NAV1: variants seen among roughly 807,000 people sequenced by gnomAD.
NAV1 encodes the protein neuron navigator 1.
Under a neutral mutation model 175.2 loss-of-function variants are expected in NAV1, and 18 were observed. The ratio of observed to expected loss-of-function variants is 0.10; its 90% CI spans 0.07 to 0.15. NAV1 has a LOEUF of 0.15. Among genes scored for constraint, NAV1 ranks in the 10% least tolerant of loss-of-function variants. The probability of loss-of-function intolerance (pLI) is 1.00; values close to 1 mark genes in which losing one functional copy is unlikely to be tolerated. For missense variants in NAV1, 1,731 were observed against 2,436.6 expected, an observed-to-expected ratio of 0.71 and a Z score of 6.10; for synonymous variants, 897 against 978.7, an observed-to-expected ratio of 0.92 and a Z score of 1.56.
chr1:201,632,253 T>C (rs1035193646), intron 2 of NAV1, among the ~76,000 whole-genome samples: 2 of 152,362 alleles, frequency 1.3e-5, no homozygotes, highest in African/African-American at 4.8e-5. Context: ...GAATTTCCCA[T>C]GATGACTTGC....
At chr1:201,685,825 C>T (rs112984619) in intron 1 of NAV1, among the ~76,000 whole-genome samples, 5 of 152,142 alleles carry the variant, frequency 3.3e-5, no homozygotes, top group Admixed American at 6.5e-5. Context: ...CTGTGCTCTT[C>T]GTATCCACGC....
At chr1:201,647,510 T>A (rs1478810600), upstream of NAV1, among the ~76,000 whole-genome samples, 1 of 152,140 alleles carries the variant, frequency 6.6e-6, no homozygotes, top group Non-Finnish European at 1.5e-5. Flanking sequence ...GTTCAATGAC[T>A]TTGACAAGGT....
At position 201,624,636 on chromosome 1, in the gene NAV1, G is replaced by A. The variant is rs970851792; in HGVS notation, c.-101+1030G>A. Among the ~76,000 whole-genome samples, 57 of 151,910 alleles carry A rather than the reference G, an allele frequency of 3.8e-4. 1 individual carries two copies. The highest frequency in any genetic ancestry group is 1.8e-4 in the Non-Finnish European group (12 of 67,980). The stretch of plus-strand genomic sequence containing the variant: ...GCTGGGATTACAGGCGTGAGCCACC[G>A]CACCCAGCAAACTATGCTTTTTTTA... On this transcript the variant is annotated intron_variant, in intron 1 of 29. Coordinates refer to the NAV1 transcript ENST00000367302.
intron 2 of NAV1, among the ~76,000 whole-genome samples, chr1:201,639,467 T>G (rs1360004891): frequency 6.6e-6 from 1 of 152,154 alleles, no homozygotes; most frequent in African/African-American, 2.4e-5. Flanking sequence ...CTGCCAGGGC[T>G]CCTCTGCTGA....
At chr1:201,632,691 T>C (rs1341719365) in intron 2 of NAV1, among the ~76,000 whole-genome samples, 1 of 152,240 alleles carries the variant, frequency 6.6e-6, no homozygotes, top group Non-Finnish European at 1.5e-5. Context: ...TTTCTCATCA[T>C]AGTACGTGTT....
At chr1:201,642,700 C>CTT (rs772174971) in intron 2 of NAV1, among the ~76,000 whole-genome samples, 55 of 139,868 alleles carry the variant, frequency 3.9e-4, no homozygotes, top group African/African-American at 7.8e-4. Context: ...TTTCTTCTCT[C>CTT]TCTTTCTTTC....
At chr1:201,649,318 T>G in exon 1 of NAV1, 1 of 1,612,572 alleles carries the variant, frequency 6.2e-7, no homozygotes, top group Non-Finnish European at 8.5e-7. Context: ...TCTGGGCCTG[T>G]CCCCTCTGCC....
chr1:201,811,857 T>G, intron 25 of NAV1, 46 bp from the exon 30 acceptor site: 1 of 1,612,932 alleles, frequency 6.2e-7, no homozygotes, highest in Non-Finnish European at 8.5e-7. Context: ...AGAAAGCAAG[T>G]GTGAAGGCAA....
intron 1 of NAV1, among the ~76,000 whole-genome samples, chr1:201,653,453 G>A (rs1385557383): frequency 6.6e-6 from 1 of 151,922 alleles, no homozygotes; most frequent in African/African-American, 2.4e-5. Context: ...AGGAAGAAAG[G>A]CAGGAAGCTA....
chr1:201,713,554 G>C (rs1212735599), intron 2 of NAV1, among the ~76,000 whole-genome samples: 1 of 152,206 alleles, frequency 6.6e-6, no homozygotes, highest in Non-Finnish European at 1.5e-5. Context: ...CTGGAGCAAA[G>C]TCCTGGCCAC....
At chr1:201,809,891 C>T in intron 22 of NAV1, 55 bp from the exon 27 acceptor site, 1 of 1,520,250 alleles carries the variant, frequency 6.6e-7, no homozygotes, top group Non-Finnish European at 9.0e-7. Context: ...TTTGTTGTGG[C>T]TTTTACACCT....
chr1:201,611,741 C>G (rs1446873771), intron 2 of NAV1, among the ~76,000 whole-genome samples: 1 of 152,268 alleles, frequency 6.6e-6, no homozygotes, highest in East Asian at 1.9e-4. Flanking sequence ...TCCAGGGAAG[C>G]CTGTGAGCAC....
Position 201,670,685 on chromosome 1 carries a change from G to C in NAV1, c.757+21260G>C, listed in dbSNP as rs1670007981. ...TGTGGTAATGCTTTCTTTGATGATG[G>C]TGGTAGAGATGCTGGTGGTGTCTCG... On this transcript the variant is annotated intron_variant, in intron 1 of 29. Coordinates refer to ENST00000367296, the Ensembl canonical transcript of NAV1. Among the ~76,000 whole-genome samples the C allele has an allele frequency of 2.0e-5, 3 of 152,160 alleles. 1 individual carries two copies. In the South Asian group the frequency reaches 6.3e-4, roughly 32 times the overall value.
intron 1 of NAV1, among the ~76,000 whole-genome samples, chr1:201,580,161 C>G (rs541327218): frequency 6.6e-6 from 1 of 152,258 alleles, no homozygotes; most frequent in South Asian, 2.1e-4. Flanking sequence ...CAGCCTGGAC[C>G]CTTAGCAGAT....
chr1:201,735,621 T>C (rs1010503753), intron 3 of NAV1, among the ~76,000 whole-genome samples: 1 of 152,250 alleles, frequency 6.6e-6, no homozygotes, highest in Non-Finnish European at 1.5e-5. Flanking sequence ...ACAAGGCCAC[T>C]CTATTATTAA....
intron 1 of NAV1, among the ~76,000 whole-genome samples, chr1:201,692,486 C>T (rs1670992745): frequency 1.3e-5 from 2 of 152,186 alleles, no homozygotes; most frequent in South Asian, 4.1e-4. Flanking sequence ...CACTGTGACT[C>T]CTTGGTAACA....
At chr1:201,670,583 A>ATGG (rs1281670349) in intron 1 of NAV1, among the ~76,000 whole-genome samples, 11 of 109,404 alleles carry the variant, frequency 1.0e-4, no homozygotes, top group Non-Finnish European at 1.8e-4. Context: ...TGATGGTTTG[A>ATGG]TGATAGAGAT....
At chr1:201,768,594 C>T (rs72742024) in intron 3 of NAV1, among the ~76,000 whole-genome samples, 34,691 of 148,262 alleles carry the variant, frequency 0.23, 5,204 homozygotes, top group Non-Finnish European at 0.34. Flanking sequence ...GCTGAGATCA[C>T]ACCACTGTAC....
Position 201,718,529 on chromosome 1 carries a change from G to T in NAV1, c.1000G>T (p.Gly334Cys), listed in dbSNP as rs967396981. The change falls in exon 3 of 30, where the codon GGT becomes TGT. Residue 334 changes from glycine (G) to cysteine (C), a missense_variant. By Grantham distance (159) the Gly-to-Cys change is radical. This residue lies in a region of NAV1 where 487 missense variants were observed against 581.3 expected (regional missense o/e 0.84). Transcript: ENST00000367296. The surrounding 1 kb of genome is among the most constrained non-coding windows in gnomAD (Gnocchi z 4.8). ...GCAGGCTGGTGACGCGCCCTCTGTG[G>T]GTGGGAGCTGCCGCTCGGAGGGGAC... 4 of 1,611,980 alleles carry T rather than the reference G, an allele frequency of 2.5e-6. No homozygotes were observed. Among genetic ancestry groups the T allele is most frequent in the Non-Finnish European group, 3.4e-6 (4 of 1,178,918 alleles).
Sources: gnomAD v4.1 joint callset for allele counts (sites outside exome capture counted in the v4.1 genomes callset) on GRCh38, gnomAD v4.1.1 for gene constraint, gnomAD v4.1.1 regional missense constraint, Gnocchi (gnomAD v3.1) non-coding constraint, MANE v1.5 for transcripts, NCBI Gene and HGNC (gene_info 2026-07-23, HGNC 2026-07-21) for gene names.